The following ARSB variants were observed in gnomAD, a reference collection of about 807,000 sequenced individuals.
ARSB encodes arylsulfatase B.
ARSB carries 41 observed loss-of-function variants against 50.9 expected under a neutral mutation model. That is an observed-to-expected ratio of 0.81 (90% CI 0.63 to 1.04). ARSB has a LOEUF of 1.04. Ranked by LOEUF, ARSB falls within the 50% of genes least tolerant of loss-of-function variation. ARSB has a pLI of 0.00. For missense variants in ARSB, 672 were observed against 693.3 expected (o/e 0.97, Z 0.35); for synonymous variants, 269 against 284.8 (o/e 0.94, Z 0.56).
chr5:78,905,320 C>T (rs1749002443), intron 4 of ARSB, among the ~76,000 whole-genome samples: 1 of 146,298 alleles, frequency 6.8e-6, no homozygotes, highest in African/African-American at 2.5e-5. Context: ...AGTCTTTTCC[C>T]TTGAGTACTG....
chr5:78,980,884 T>C (rs769244078), intron 1 of ARSB, among the ~76,000 whole-genome samples: 2 of 152,120 alleles, frequency 1.3e-5, no homozygotes, highest in Admixed American at 6.6e-5. Context: ...GAATGAGTCA[T>C]AGGGCTGTGG....
intron 6 of ARSB, chr5:78,815,542 A>C (rs1743957191): frequency 1.0e-6 from 1 of 986,568 alleles, no homozygotes; most frequent in Non-Finnish European, 1.2e-6. Context: ...CTGTCAAAAA[A>C]GGTGGAGGAA....
At chr5:78,887,804 T>C (rs916957532) in intron 4 of ARSB, among the ~76,000 whole-genome samples, 1 of 152,194 alleles carries the variant, frequency 6.6e-6, no homozygotes, top group African/African-American at 2.4e-5. Flanking sequence ...ATCCCTAGTA[T>C]AGAGTGGGCT....
chr5:78,983,199 G>C (rs369290477), intron 1 of ARSB, among the ~76,000 whole-genome samples: 1 of 152,094 alleles, frequency 6.6e-6, no homozygotes, highest in Non-Finnish European at 1.5e-5. Context: ...GACTATAGAC[G>C]CATGCCACCA....
chr5:78,819,767 T>C (rs1744137754), intron 6 of ARSB, among the ~76,000 whole-genome samples: 1 of 150,478 alleles, frequency 6.6e-6, no homozygotes. Flanking sequence ...GCCACAGAGG[T>C]AGAGAGGAAA....
chr5:78,925,712 G>GCA (rs1329021303), intron 4 of ARSB, among the ~76,000 whole-genome samples: 1 of 152,142 alleles, frequency 6.6e-6, no homozygotes, highest in Non-Finnish European at 1.5e-5. Flanking sequence ...TATGATTGCA[G>GCA]CACCTGAAAT....
chr5:78,817,147 A>C (rs1744022607), intron 6 of ARSB: 2 of 983,840 alleles, frequency 2.0e-6, no homozygotes. Context: ...GGAGAGATAA[A>C]GAATGATCAT....
intron 5 of ARSB, among the ~76,000 whole-genome samples, chr5:78,861,901 C>T (rs1451059596): frequency 6.6e-6 from 1 of 152,180 alleles, no homozygotes; most frequent in Non-Finnish European, 1.5e-5. Context: ...AGCTGATAAG[C>T]AACTTCAACA....
chr5:78,982,183 A>G (rs1752934234), intron 1 of ARSB, among the ~76,000 whole-genome samples: 1 of 27,700 alleles, frequency 3.6e-5, no homozygotes, highest in Non-Finnish European at 9.5e-5. Context: ...TCGGCCTCCC[A>G]AAGTGCTGGG....
chr5:78,888,092 A>C (rs1231187413), intron 4 of ARSB, among the ~76,000 whole-genome samples: 1 of 152,148 alleles, frequency 6.6e-6, no homozygotes, highest in African/African-American at 2.4e-5. Flanking sequence ...CAGGTGAGGA[A>C]ACAATTCTTC....
chr5:78,973,996 A>C (rs1271101495), intron 1 of ARSB, among the ~76,000 whole-genome samples: 1 of 152,224 alleles, frequency 6.6e-6, no homozygotes, highest in Non-Finnish European at 1.5e-5. Context: ...ATCAGAACGC[A>C]ATCACAGAAC....
chr5:78,884,079 A>G (rs1747889944), intron 5 of ARSB: 1 of 152,132 alleles, frequency 6.6e-6, no homozygotes, highest in African/African-American at 2.4e-5. Context: ...AGTGCAGTGG[A>G]TCTGTATTGG....
chr5:78,839,216 G>A (rs1188157272), intron 6 of ARSB, 140 bp downstream of exon 6: 14 of 769,874 alleles, frequency 1.8e-5, no homozygotes, highest in Admixed American at 4.0e-5. Context: ...TGAGATGAGC[G>A]GGAGATATGT....
intron 5 of ARSB, among the ~76,000 whole-genome samples, chr5:78,858,988 C>A (rs1263352932): frequency 1.3e-5 from 2 of 152,152 alleles, no homozygotes; most frequent in African/African-American, 4.8e-5. Context: ...AAAGATTGCA[C>A]AAGTAATTAA....
In ARSB at chr5:78,905,352, T is replaced by C. The variant is rs971635464; in HGVS notation, c.899-19525A>G. On this transcript the variant is annotated intron_variant, in intron 4 of 7. Coordinates refer to ENST00000264914, the MANE Select transcript of ARSB (RefSeq NM_000046.5). The stretch of plus-strand genomic sequence containing the variant: ...ACTGCTCGTATTTTCCTGTTTTTTT[T>C]TTTTTGTATAATGAGTAATTTTGGA... Among the ~76,000 whole-genome samples, 8 of 150,454 alleles carry C rather than the reference T, an allele frequency of 5.3e-5. 1 individual carries two copies. Among genetic ancestry groups the C allele is most frequent in the Admixed American group, 2.0e-4 (3 of 15,068 alleles).
intron 3 of ARSB, among the ~76,000 whole-genome samples, chr5:78,963,177 C>G (rs925204236): frequency 6.6e-6 from 1 of 152,142 alleles, no homozygotes; most frequent in African/African-American, 2.4e-5. Context: ...TGGCATCTCT[C>G]TCTCTCTCCT....
intron 4 of ARSB, among the ~76,000 whole-genome samples, chr5:78,941,539 T>A (rs1221356793): frequency 6.6e-6 from 1 of 152,250 alleles, no homozygotes; most frequent in Admixed American, 6.5e-5. Flanking sequence ...ATTGAGATAA[T>A]CATGTGGTTT....
At chr5:78,973,261 C>T (rs887886892) in intron 1 of ARSB, among the ~76,000 whole-genome samples, 1 of 152,218 alleles carries the variant, frequency 6.6e-6, no homozygotes, top group African/African-American at 2.4e-5. Context: ...GAAGGTTCTA[C>T]ATGTAATATA....
At chr5:78,916,956 A>G (rs1749577997) in intron 4 of ARSB, among the ~76,000 whole-genome samples, 1 of 152,246 alleles carries the variant, frequency 6.6e-6, no homozygotes, top group African/African-American at 2.4e-5. Context: ...TGAAGGAGAC[A>G]GGTGATAAAT....
Sources: gnomAD v4.1 joint callset for allele counts (sites outside exome capture counted in the v4.1 genomes callset) on GRCh38, gnomAD v4.1.1 for gene constraint, MANE v1.5 for transcripts, NCBI Gene and HGNC (gene_info 2026-07-23, HGNC 2026-07-21) for gene names.